Variants in HOGA1 observed in about 807,000 individuals in gnomAD.
The protein encoded by HOGA1 is 4-hydroxy-2-oxoglutarate aldolase, mitochondrial.
Under a neutral mutation model 34.3 loss-of-function variants are expected in HOGA1, and 30 were observed. The observed-to-expected ratio is 0.87, with a 90% CI of 0.65 to 1.19. The LOEUF (loss-of-function observed/expected upper bound fraction) is 1.19. Ranked by LOEUF, HOGA1 falls within the 50% of genes most tolerant of loss-of-function variation. HOGA1 has a pLI of 0.00. For missense variants in HOGA1, 417 were observed against 436.5 expected, an observed-to-expected ratio of 0.96 and a Z score of 0.40; for synonymous variants, 161 against 174.0, an observed-to-expected ratio of 0.93 and a Z score of 0.59.
At chr10:97,586,892 C>A (rs773114335) in intron 1 of HOGA1, among the ~76,000 whole-genome samples, 1 of 152,176 alleles carries the variant, frequency 6.6e-6, no homozygotes, top group Non-Finnish European at 1.5e-5. Context: ...AGAGAGCCAG[C>A]GGGGTGTGGT....
chr10:97,602,477 A>C, intron 6 of HOGA1: 2 of 985,310 alleles, frequency 2.0e-6, no homozygotes, highest in Non-Finnish European at 2.4e-6. Flanking sequence ...TGTATACCCC[A>C]ATTCTTTGTT....
At chr10:97,602,011 G>C in intron 6 of HOGA1, 21 bp downstream of exon 6, 1 of 1,600,650 alleles carries the variant, frequency 6.2e-7, no homozygotes, top group Non-Finnish European at 8.5e-7. Flanking sequence ...GGCAGCGGGG[G>C]CGCGGCCTGG....
At chr10:97,604,449 G>A (rs191795565) in intron 6 of HOGA1, among the ~76,000 whole-genome samples, 158 of 152,258 alleles carry the variant, frequency 1.0e-3, no homozygotes, top group Non-Finnish European at 1.9e-3. Context: ...ATCCTCCCAA[G>A]TAGCTGGGAC....
Position 97,599,695 on chromosome 10 carries a change from C to G in HOGA1, c.484C>G (p.Pro162Ala). ...CCCTCCCCAGGTTGCTGATCTCTCT[C>G]CAATCCCTGTGGTGCTGTACAGTGT... ...HHYTKVADLS[P>A]IPVVLYSVPA... is the part of the protein sequence containing the mutation. Residue 162 changes from proline (P) to alanine (A), a missense_variant, in exon 4 of 7, where the codon CCA (proline) becomes GCA (alanine). By Grantham distance (27) the Pro-to-Ala change is conservative (BLOSUM62 -1). Coordinates refer to ENST00000370646, the MANE Select transcript of HOGA1 (RefSeq NM_138413.4). 6.2e-7 allele frequency: 1 copy of G among 1,614,162 alleles called. No individual in the cohort carries two copies. Among genetic ancestry groups the G allele is most frequent in the Non-Finnish European group, 8.5e-7 (1 of 1,180,018 alleles).
intron 6 of HOGA1, among the ~76,000 whole-genome samples, chr10:97,604,784 C>T (rs573869082): frequency 1.2e-3 from 185 of 152,186 alleles, no homozygotes; most frequent in African/African-American, 4.3e-3. Context: ...GAGTTTGAGA[C>T]CAGCCTGGCC....
chr10:97,604,938 G>T (rs563964496), intron 6 of HOGA1, among the ~76,000 whole-genome samples: 302 of 152,284 alleles, frequency 2.0e-3, no homozygotes, highest in African/African-American at 6.9e-3. Flanking sequence ...CCAAGATTGT[G>T]CCACTGCACT....
intron 1 of HOGA1, chr10:97,590,571 T>G: frequency 6.2e-7 from 1 of 1,606,842 alleles, no homozygotes; most frequent in Non-Finnish European, 8.5e-7. Context: ...AGACACTAGA[T>G]CTGTGACTTC....
chr10:97,602,921 G>A (rs1034657978), intron 6 of HOGA1, among the ~76,000 whole-genome samples: 6 of 152,022 alleles, frequency 3.9e-5, no homozygotes, highest in Non-Finnish European at 8.8e-5. Flanking sequence ...CAAATTCCTG[G>A]CCTCAAGTGA....
In HOGA1 at chr10:97,584,875, G is replaced by A; in HGVS notation, c.172G>A (p.Glu58Lys). ...ATAEVDYGKL[E>K]ENLHKLGTFP... is the part of the protein sequence containing the mutation. Reference sequence around the variant, plus strand: ...TGCAGAGGTGGACTATGGGAAACTGGAGGAGAATCTGCACAAACTGGGCAC... The same window carrying A: ...TGCAGAGGTGGACTATGGGAAACTGAAGGAGAATCTGCACAAACTGGGCAC... The change falls in exon 1 of 7, where the codon GAG (glutamate) becomes AAG (lysine). Residue 58 changes from glutamate to lysine, a missense_variant. Physicochemically the swap from Glu to Lys is moderately conservative, Grantham distance 56. Coordinates refer to ENST00000370646, the MANE Select transcript of HOGA1 (RefSeq NM_138413.4). The A allele has an allele frequency of 6.2e-7, 1 of 1,614,162 alleles. No homozygotes were observed. Among genetic ancestry groups the A allele is most frequent in the Non-Finnish European group, 8.5e-7 (1 of 1,180,036 alleles).
Position 97,612,583 on chromosome 10 carries a change from A to T in HOGA1, c.*924A>T, listed in dbSNP as rs1253849630. ...ATTCTGGTCTGTAGCCTTGATTCCA[A>T]CCATTGAATGCACGGAGACAGCCCA... On this transcript the variant is annotated 3_prime_UTR_variant, in exon 7 of 7. Coordinates refer to ENST00000370646, the MANE Select transcript of HOGA1 (RefSeq NM_138413.4). The T allele has an allele frequency of 6.6e-6, 1 of 152,172 alleles. No homozygotes were observed. Among genetic ancestry groups the T allele is most frequent in the African/African-American group, 2.4e-5 (1 of 41,418 alleles). The allele number at this position is 152,172 out of a possible 1,614,324, so 9.4% of individuals were successfully genotyped here.
At chr10:97,588,688 T>C (rs1477258636) in intron 1 of HOGA1, among the ~76,000 whole-genome samples, 1 of 152,176 alleles carries the variant, frequency 6.6e-6, no homozygotes. Flanking sequence ...AAGATGAGGT[T>C]CTCCATAAAA....
At chr10:97,604,875 G>A (rs2041145144) in intron 6 of HOGA1, among the ~76,000 whole-genome samples, 1 of 152,142 alleles carries the variant, frequency 6.6e-6, no homozygotes, top group Admixed American at 6.5e-5. Context: ...CCAGCTGCTC[G>A]AGTGGCTGAG....
At position 97,598,807 on chromosome 10, in the gene HOGA1, C is replaced by A; in HGVS notation, c.244C>A (p.Pro82Thr). 6.2e-7 allele frequency: 1 copy of A among 1,614,166 alleles called. No homozygotes were observed. Among genetic ancestry groups the A allele is most frequent in the Non-Finnish European group, 8.5e-7 (1 of 1,180,036 alleles). Residue 82 changes from proline (P) to threonine (T), a missense_variant, in exon 2 of 7, where the codon CCT becomes ACT. Coordinates refer to ENST00000370646, the MANE Select transcript of HOGA1 (RefSeq NM_138413.4). ...GGTCCAGGGCTCCAATGGCGAGTTT[C>A]CTTTCCTGACCAGCAGTGAGCGCCT... The part of the protein sequence containing the change: ...FVVQGSNGEF[P>T]FLTSSERLEV...
At chr10:97,589,634 C>A (rs559104409) in intron 1 of HOGA1, 23 of 449,362 alleles carry the variant, frequency 5.1e-5, no homozygotes, top group Non-Finnish European at 8.8e-5. Context: ...CTCCCCACCC[C>A]ACCCGCAACT....
intron 1 of HOGA1, among the ~76,000 whole-genome samples, chr10:97,591,321 C>A (rs1316076640): frequency 2.6e-5 from 4 of 152,290 alleles, no homozygotes; most frequent in South Asian, 4.1e-4. Flanking sequence ...CCACCTGCTT[C>A]CTGGGGCCCC....
rs570673164 is a variant in HOGA1 at position 97,603,786 on chromosome 10, T to C, written c.834+1796T>C. ...CATGTTGGCCAGGCTGGCCTCGAAC[T>C]CCTGACCTCATGATCCACCCGCCTC... On this transcript the variant is annotated intron_variant, in intron 6 of 6. Transcript: ENST00000370646. The surrounding 1 kb of genome is among the most constrained non-coding windows in gnomAD (Gnocchi z 4.5). 4.0e-5 allele frequency among the ~76,000 whole-genome samples: 6 copies of C among 151,818 alleles called. No individual in the cohort carries two copies. The South Asian group carries it at 8.3e-4, about 21-fold the overall frequency.
chr10:97,607,397 G>A (rs529119738), intron 6 of HOGA1, among the ~76,000 whole-genome samples: 1 of 152,160 alleles, frequency 6.6e-6, no homozygotes, highest in Non-Finnish European at 1.5e-5. Context: ...GCTGGTTTTC[G>A]GCTGGAGTAG....
intron 6 of HOGA1, among the ~76,000 whole-genome samples, chr10:97,610,304 C>CA (rs1232969410): frequency 6.6e-6 from 1 of 151,714 alleles, no homozygotes; most frequent in East Asian, 1.9e-4. Flanking sequence ...CTCGTCTCTA[C>CA]AAAAAATGCA....
intron 1 of HOGA1, among the ~76,000 whole-genome samples, chr10:97,586,136 C>CAAAAA (rs574023517): frequency 7.3e-6 from 1 of 136,428 alleles, no homozygotes; most frequent in Non-Finnish European, 1.6e-5. Flanking sequence ...GACTCCATCT[C>CAAAAA]AAAAAAAAAA....
Sources: gnomAD v4.1 joint callset for allele counts (sites outside exome capture counted in the v4.1 genomes callset) on GRCh38, gnomAD v4.1.1 for gene constraint, Gnocchi (gnomAD v3.1) non-coding constraint, MANE v1.5 for transcripts, NCBI Gene and HGNC (gene_info 2026-07-23, HGNC 2026-07-21) for gene names.